The following SEMA6D variants were observed in gnomAD, a reference collection of about 807,000 sequenced individuals.
SEMA6D encodes semaphorin 6D.
Under a neutral mutation model 106.6 loss-of-function variants are expected in SEMA6D, and 35 were observed. That is an observed-to-expected ratio of 0.33 (90% CI 0.25 to 0.44). The LOEUF is 0.44. Among genes scored for constraint, SEMA6D ranks in the 20% least tolerant of loss-of-function variants. SEMA6D has a pLI of 1.00. For synonymous variants in SEMA6D, 499 were observed against 487.7 expected (o/e 1.02, Z -0.31); for missense variants, 1,185 against 1,345.9 (o/e 0.88, Z 1.87).
intron 1 of SEMA6D, among the ~76,000 whole-genome samples, chr15:47,234,154 T>C (rs973274165): frequency 1.3e-5 from 2 of 151,910 alleles, no homozygotes; most frequent in African/African-American, 2.4e-5. Context: ...GACATATTTC[T>C]GGGATCTCAG....
At chr15:47,348,578 G>C (rs2038138699) in intron 1 of SEMA6D, among the ~76,000 whole-genome samples, 1 of 151,464 alleles carries the variant, frequency 6.6e-6, no homozygotes, top group Non-Finnish European at 1.5e-5. Context: ...TGTGAGCCAG[G>C]CAACAGGAAT....
intron 4 of SEMA6D, among the ~76,000 whole-genome samples, chr15:47,621,418 A>G (rs1452917148): frequency 2.6e-5 from 4 of 152,112 alleles, no homozygotes; most frequent in African/African-American, 7.2e-5. Flanking sequence ...AGCTAAATAC[A>G]TAAGCCCGGT....
intron 1 of SEMA6D, among the ~76,000 whole-genome samples, chr15:47,263,186 A>G (rs114100942): frequency 0.027 from 4,179 of 152,274 alleles, 189 homozygotes; most frequent in African/African-American, 0.096. Flanking sequence ...CAAAAAGAAA[A>G]ATTAACAAAT....
chr15:47,476,431 A>G (rs1261142070), intron 3 of SEMA6D, among the ~76,000 whole-genome samples: 2 of 152,122 alleles, frequency 1.3e-5, no homozygotes, highest in Non-Finnish European at 2.9e-5. Context: ...CATATATGTT[A>G]TCTCCAGGTT....
At chr15:47,247,134 T>G (rs927663713) in intron 1 of SEMA6D, among the ~76,000 whole-genome samples, 3 of 152,152 alleles carry the variant, frequency 2.0e-5, no homozygotes, top group African/African-American at 7.2e-5. Context: ...CAGTCTTTAG[T>G]CTGAGAAGTG....
intron 1 of SEMA6D, among the ~76,000 whole-genome samples, chr15:47,756,000 C>T (rs1236686118): frequency 2.0e-5 from 3 of 152,054 alleles, no homozygotes; most frequent in Non-Finnish European, 4.4e-5. Flanking sequence ...CCTGGTTGTT[C>T]TGGCAGCTCT....
intron 4 of SEMA6D, among the ~76,000 whole-genome samples, chr15:47,606,858 G>T (rs2076792047): frequency 6.6e-6 from 1 of 152,152 alleles, no homozygotes; most frequent in African/African-American, 2.4e-5. Flanking sequence ...GCCTGAAAAT[G>T]GGCTATGTGT....
Position 47,771,491 on chromosome 15 carries a change from T to C in SEMA6D, c.2928T>C (p.Ala976=). 6.2e-7 allele frequency: 1 copy of C among 1,614,126 alleles called. No individual in the cohort carries two copies. The highest frequency in any genetic ancestry group is 8.5e-7 in the Non-Finnish European group (1 of 1,180,008). Residue 976 remains alanine (A), a synonymous_variant, in exon 19 of 19, where the codon GCT becomes GCC. Coordinates refer to ENST00000536845, the MANE Select transcript of SEMA6D (RefSeq NM_001358351.3). The stretch of plus-strand genomic sequence containing the variant: ...CCTCCCAGAGGCACTCTATATCTGC[T>C]ATGCCTAAAAACTTAAACTCACCAA... ...KNSSQRHSIS[A]MPKNLNSPNG...
At chr15:47,617,982 T>G (rs2077036767) in intron 4 of SEMA6D, among the ~76,000 whole-genome samples, 1 of 152,246 alleles carries the variant, frequency 6.6e-6, no homozygotes, top group African/African-American at 2.4e-5. Context: ...CTCCCTTAAT[T>G]GAGTTGATTC....
intron 1 of SEMA6D, among the ~76,000 whole-genome samples, chr15:47,735,140 T>C (rs2080368792): frequency 6.6e-6 from 1 of 152,108 alleles, no homozygotes; most frequent in Non-Finnish European, 1.5e-5. Context: ...GCCCAAGAAG[T>C]TTTGTGTGTT....
intron 3 of SEMA6D, chr15:47,600,847 T>C (rs2076638428): frequency 6.6e-6 from 1 of 152,108 alleles, no homozygotes; most frequent in Non-Finnish European, 1.5e-5. Flanking sequence ...CCATTTCTCT[T>C]TTCTTTTCTT....
At chr15:47,726,112 C>G (rs2079735047) in intron 1 of SEMA6D, among the ~76,000 whole-genome samples, 1 of 152,238 alleles carries the variant, frequency 6.6e-6, no homozygotes, top group Admixed American at 6.5e-5. Context: ...GGCAAGCTGC[C>G]TCCCCCTGCG....
chr15:47,477,162 G>C (rs778320139), intron 3 of SEMA6D, among the ~76,000 whole-genome samples: 1 of 152,104 alleles, frequency 6.6e-6, no homozygotes, highest in African/African-American at 2.4e-5. Context: ...CGTAGCACTT[G>C]TTTTTGTTTT....
At chr15:47,300,215 G>C (rs552479611) in intron 1 of SEMA6D, among the ~76,000 whole-genome samples, 1 of 152,116 alleles carries the variant, frequency 6.6e-6, no homozygotes, top group African/African-American at 2.4e-5. Flanking sequence ...GCAGCAAGTG[G>C]TTTTAATGTC....
intron 4 of SEMA6D, among the ~76,000 whole-genome samples, chr15:47,685,867 A>G (rs796653285): frequency 1.9e-4 from 29 of 152,304 alleles, no homozygotes; most frequent in Admixed American, 1.4e-3. Context: ...TCTAGACTCA[A>G]TACCCCTGGG....
intron 1 of SEMA6D, among the ~76,000 whole-genome samples, chr15:47,342,895 T>C (rs1268946093): frequency 6.6e-6 from 1 of 152,074 alleles, no homozygotes; most frequent in Non-Finnish European, 1.5e-5. Context: ...GTATTTTTAG[T>C]AAAGGCAGGG....
intron 1 of SEMA6D, among the ~76,000 whole-genome samples, chr15:47,752,252 G>A (rs1460880428): frequency 1.6e-4 from 24 of 152,178 alleles, no homozygotes; most frequent in Non-Finnish European, 7.4e-5. Flanking sequence ...TGGGTAAACC[G>A]TCAGAAGAAT....
intron 4 of SEMA6D, among the ~76,000 whole-genome samples, chr15:47,601,505 T>G (rs1276551069): frequency 6.6e-6 from 1 of 152,230 alleles, no homozygotes; most frequent in Non-Finnish European, 1.5e-5. Context: ...GGTTTGTGAA[T>G]ACAGGAATAA....
chr15:47,387,789 C>G (rs774460576), intron 1 of SEMA6D, among the ~76,000 whole-genome samples: 6 of 152,208 alleles, frequency 3.9e-5, no homozygotes, highest in Admixed American at 1.3e-4. Flanking sequence ...CTGCCACTTA[C>G]TAGCTCTGCA....
Sources: allele counts gnomAD v4.1 joint callset (sites outside exome capture counted in the v4.1 genomes callset), GRCh38; gene constraint gnomAD v4.1.1; transcripts MANE v1.5; gene names NCBI Gene and HGNC (gene_info 2026-07-23, HGNC 2026-07-21).